Variants in ZMYND11 observed in about 807,000 individuals in gnomAD.
ZMYND11 encodes zinc finger MYND-type containing 11, also known as zinc finger MYND domain-containing protein 11.
A neutral mutation model predicts 84.9 loss-of-function variants in ZMYND11; 9 were observed. The observed-to-expected ratio is 0.11, with a 90% CI of 0.06 to 0.18. ZMYND11 has a LOEUF of 0.18. Among genes scored for constraint, ZMYND11 ranks in the 10% least tolerant of loss-of-function variants. ZMYND11 has a pLI of 1.00. For missense variants in ZMYND11, 409 were observed against 761.0 expected (o/e 0.54, Z 5.44); for synonymous variants, 250 against 244.1 (o/e 1.02, Z -0.23).
intron 2 of ZMYND11, among the ~76,000 whole-genome samples, chr10:187,461 C>T (rs546624415): frequency 5.9e-5 from 9 of 151,940 alleles, no homozygotes; most frequent in Admixed American, 2.6e-4. Flanking sequence ...GGTGAAACCC[C>T]GTCTCTACTA....
At chr10:186,021 T>C (rs1938301353) in intron 2 of ZMYND11, among the ~76,000 whole-genome samples, 1 of 151,512 alleles carries the variant, frequency 6.6e-6, no homozygotes, top group Non-Finnish European at 1.5e-5. Context: ...TTTTTTTTTT[T>C]TCTTTTGAGA....
At chr10:188,858 G>A (rs1195845109) in intron 2 of ZMYND11, among the ~76,000 whole-genome samples, 1 of 152,128 alleles carries the variant, frequency 6.6e-6, no homozygotes, top group Non-Finnish European at 1.5e-5. Context: ...GTCTCTACTG[G>A]CATTGTTGGC....
chr10:251,085 T>G (rs546875774), intron 14 of ZMYND11, among the ~76,000 whole-genome samples: 127 of 152,292 alleles, frequency 8.3e-4, no homozygotes, highest in African/African-American at 2.3e-3. Flanking sequence ...TAGAGTAGTA[T>G]TATAGGACAG....
chr10:172,790 T>C (rs1034225695), intron 1 of ZMYND11, among the ~76,000 whole-genome samples: 1 of 152,206 alleles, frequency 6.6e-6, no homozygotes, highest in Non-Finnish European at 1.5e-5. Context: ...ATAGTCATCA[T>C]ACTATTGAAG....
Position 247,379 on chromosome 10 carries a change from AC to A in ZMYND11, c.1159-18del. On this transcript the variant is annotated intron_variant, in intron 11 of 14. Transcript: ENST00000381604. ...TTTCTAGTGTCTGGAATAATATATTACTTTTATAATGCCCACAGCTAAAGGT... is the reference window on the plus strand; with the variant it reads ...TTTCTAGTGTCTGGAATAATATATTATTTTATAATGCCCACAGCTAAAGGT... 3.7e-6 allele frequency: 6 copies of A among 1,613,240 alleles called. No homozygotes were observed. Among genetic ancestry groups the A allele is most frequent in the Non-Finnish European group, 5.1e-6 (6 of 1,179,360 alleles).
intron 4 of ZMYND11, 58 bp from the exon 5 acceptor site, chr10:236,780 A>T: frequency 1.4e-6 from 2 of 1,420,888 alleles, no homozygotes; most frequent in South Asian, 2.5e-5. Context: ...TTTTACATGA[A>T]TATAGACATA....
chr10:146,834 A>T (rs1470009413), intron 1 of ZMYND11, among the ~76,000 whole-genome samples: 2 of 152,140 alleles, frequency 1.3e-5, no homozygotes, highest in Non-Finnish European at 2.9e-5. Context: ...GTCTCACAAG[A>T]TCTGATGGTT....
At chr10:140,103 A>G (rs1837160007) in intron 1 of ZMYND11, among the ~76,000 whole-genome samples, 2 of 151,486 alleles carry the variant, frequency 1.3e-5, no homozygotes, top group Admixed American at 1.3e-4. Flanking sequence ...TATCCCAGAC[A>G]CACACACACA....
rs374548684 is a variant in ZMYND11 at position 248,414 on chromosome 10, G to A, written c.1306G>A (p.Val436Met). The part of the protein sequence containing the change: ...TMPQPIEKVS[V>M]STQTKKLSAS... ...GCCTCAGCCCATCGAAAAAGTCTCCGTGTCAACTCAGACAAAGAAGTTAAG... is the reference window on the plus strand; with the variant it reads ...GCCTCAGCCCATCGAAAAAGTCTCCATGTCAACTCAGACAAAGAAGTTAAG... Residue 436 changes from valine (V) to methionine (M), a missense_variant, in exon 13 of 15, where the codon GTG becomes ATG. Physicochemically the swap from Val to Met is conservative, Grantham distance 21. Around this residue, in one of 7 missense-constraint regions of ZMYND11, gnomAD observed 141 missense variants for 173.8 expected, o/e 0.81. Coordinates refer to ENST00000381604, the MANE Select transcript of ZMYND11 (RefSeq NM_001370100.5). 3.4e-5 allele frequency: 55 copies of A among 1,614,042 alleles called. No homozygotes were observed. The highest frequency in any genetic ancestry group is 1.1e-4 in the African/African-American group (8 of 74,906).
intron 2 of ZMYND11, among the ~76,000 whole-genome samples, chr10:189,473 G>A (rs2448371): frequency 0.64 from 98,051 of 152,050 alleles, 31,827 homozygotes; most frequent in East Asian, 0.83. Context: ...TAATCCCAAG[G>A]ATTCTCCACA....
At chr10:139,794 C>A (rs1554753501) in intron 1 of ZMYND11, among the ~76,000 whole-genome samples, 1 of 149,302 alleles carries the variant, frequency 6.7e-6, no homozygotes, top group Non-Finnish European at 1.5e-5. Context: ...TCACTACAAC[C>A]TCCACCTCCT....
chr10:149,160 G>A (rs11250470), intron 1 of ZMYND11, among the ~76,000 whole-genome samples: 5 of 151,790 alleles, frequency 3.3e-5, no homozygotes, highest in Non-Finnish European at 5.9e-5. Flanking sequence ...AGGCTGAACC[G>A]AAACTTGCCC....
intron 1 of ZMYND11, among the ~76,000 whole-genome samples, chr10:139,047 C>T (rs1836839134): frequency 6.6e-6 from 1 of 152,020 alleles, no homozygotes; most frequent in South Asian, 2.1e-4. Flanking sequence ...CTCAAATGAT[C>T]CGCCTGCCTT....
chr10:205,299 A>G (rs1037798652), intron 2 of ZMYND11, among the ~76,000 whole-genome samples: 10 of 152,178 alleles, frequency 6.6e-5, no homozygotes, highest in African/African-American at 2.4e-4. Flanking sequence ...CTTTTTATAT[A>G]TAGCTGTCTC....
At chr10:136,033 C>T (rs1351340590) in intron 1 of ZMYND11, among the ~76,000 whole-genome samples, 8 of 151,814 alleles carry the variant, frequency 5.3e-5, no homozygotes, top group African/African-American at 1.7e-4. Flanking sequence ...CGCGGCACGT[C>T]GTGTGCTAGC....
At chr10:168,791 G>C (rs914353190) in intron 1 of ZMYND11, among the ~76,000 whole-genome samples, 1 of 152,096 alleles carries the variant, frequency 6.6e-6, no homozygotes, top group African/African-American at 2.4e-5. Context: ...ACAACTTACC[G>C]GAACACAAAC....
intron 6 of ZMYND11, among the ~76,000 whole-genome samples, chr10:238,218 G>T (rs185102639): frequency 3.3e-5 from 5 of 152,302 alleles, no homozygotes; most frequent in Non-Finnish European, 7.3e-5. Flanking sequence ...AGTAGAACAC[G>T]TAGACATATT....
intron 1 of ZMYND11, among the ~76,000 whole-genome samples, chr10:157,971 T>C (rs1175738852): frequency 1.3e-5 from 2 of 152,270 alleles, no homozygotes; most frequent in Non-Finnish European, 2.9e-5. Flanking sequence ...ATATGTGGCC[T>C]TTTGTTTCTG....
chr10:221,693 T>C (rs1365677594), intron 4 of ZMYND11, among the ~76,000 whole-genome samples: 2 of 152,220 alleles, frequency 1.3e-5, no homozygotes, highest in African/African-American at 2.4e-5. Flanking sequence ...TGTAATAAAC[T>C]GTACAATTTA....
Sources: allele counts gnomAD v4.1 joint callset (sites outside exome capture counted in the v4.1 genomes callset), GRCh38; gene constraint gnomAD v4.1.1; regional missense constraint gnomAD v4.1.1; transcripts MANE v1.5; gene names NCBI Gene and HGNC (gene_info 2026-07-23, HGNC 2026-07-21).